SLC44A5: variants seen among roughly 807,000 people sequenced by gnomAD.
SLC44A5 encodes solute carrier family 44 member 5, also known as choline transporter-like protein 5.
In SLC44A5, 57 loss-of-function variants were observed where a neutral mutation model predicts 101.8. That is an observed-to-expected ratio of 0.56 (90% CI 0.45 to 0.70). SLC44A5 has a LOEUF of 0.70. SLC44A5 is among the 30% of genes least tolerant of loss of function. SLC44A5 has a pLI of 0.00. For missense variants in SLC44A5, 737 were observed against 853.1 expected, an observed-to-expected ratio of 0.86 and a Z score of 1.70; for synonymous variants, 281 against 290.9, an observed-to-expected ratio of 0.97 and a Z score of 0.35.
At chr1:75,679,453 A>T in the SLC44A5 span, among the ~76,000 whole-genome samples, 1 of 152,172 alleles carries the variant, frequency 6.6e-6, no homozygotes, top group African/African-American at 2.4e-5. Flanking sequence ...GTGGGGGCCA[A>T]TATTCAACAT....
chr1:75,543,590 A>T (rs376087403), intron 1 of SLC44A5, among the ~76,000 whole-genome samples: 3 of 101,166 alleles, frequency 3.0e-5, no homozygotes, highest in Non-Finnish European at 6.6e-5. Flanking sequence ...TATATATATA[A>T]ATAAATATAT....
chr1:75,221,497 TAAAG>T (rs908263355), intron 14 of SLC44A5, among the ~76,000 whole-genome samples: 26 of 152,336 alleles, frequency 1.7e-4, no homozygotes, highest in African/African-American at 6.0e-4. Flanking sequence ...ACTCTTGGTA[TAAAG>T]TGTTCCTAAA....
chr1:75,581,363 G>A (rs1313522233), intron 1 of SLC44A5, among the ~76,000 whole-genome samples: 1 of 152,162 alleles, frequency 6.6e-6, no homozygotes, highest in Admixed American at 6.5e-5. Context: ...GAAAGAAATG[G>A]TGGAGGTAAC....
At chr1:75,219,180 TCCTACCACAACTACAAA>T in intron 16 of SLC44A5, 60 bp downstream of exon 16, 1 of 1,063,056 alleles carries the variant, frequency 9.4e-7, no homozygotes, top group Non-Finnish European at 1.5e-6. Context: ...TCGGGACAAT[TCCTACCACAACTACAAA>T]ATGAATTGCA....
the SLC44A5 span, among the ~76,000 whole-genome samples, chr1:75,704,622 G>A: frequency 2.0e-5 from 3 of 152,000 alleles, no homozygotes; most frequent in Non-Finnish European, 4.4e-5. Context: ...ATTATGTTTT[G>A]CAGTGGTTAT....
At chr1:75,250,236 A>G (rs1002852571) in intron 7 of SLC44A5, among the ~76,000 whole-genome samples, 1 of 152,116 alleles carries the variant, frequency 6.6e-6, no homozygotes, top group Admixed American at 6.6e-5. Context: ...GTCACTTATA[A>G]GTGAGAACAC....
chr1:75,475,328 T>C (rs550660178), intron 2 of SLC44A5, among the ~76,000 whole-genome samples: 1 of 152,264 alleles, frequency 6.6e-6, no homozygotes, highest in East Asian at 1.9e-4. Flanking sequence ...ATGAGGAAGG[T>C]ATTTGATAGA....
intron 5 of SLC44A5, among the ~76,000 whole-genome samples, chr1:75,287,189 G>A (rs1653124117): frequency 6.6e-6 from 1 of 151,590 alleles, no homozygotes. Flanking sequence ...CCTTGTCTTT[G>A]AGCTCTGAAG....
chr1:75,680,753 A>C, the SLC44A5 span, among the ~76,000 whole-genome samples: 1 of 151,928 alleles, frequency 6.6e-6, no homozygotes, highest in Admixed American at 6.6e-5. Context: ...GCAAGACCTA[A>C]CTAAAATCAG....
chr1:75,643,564 A>C, the SLC44A5 span, among the ~76,000 whole-genome samples: 3 of 152,208 alleles, frequency 2.0e-5, no homozygotes, highest in Non-Finnish European at 1.5e-5. Flanking sequence ...CTTGAATTAT[A>C]GCTCCCATAA....
chr1:75,339,554 G>A, intron 4 of SLC44A5, 28 bp downstream of exon 4: 1 of 1,586,924 alleles, frequency 6.3e-7, no homozygotes, highest in African/African-American at 1.4e-5. Context: ...GTTTAAAAAA[G>A]CATATTCCCC....
At chr1:75,664,349 AT>A in the SLC44A5 span, among the ~76,000 whole-genome samples, 2 of 152,208 alleles carry the variant, frequency 1.3e-5, no homozygotes, top group Non-Finnish European at 2.9e-5. Flanking sequence ...AGGCATCTAA[AT>A]AGGAAAAGAA....
chr1:75,438,868 G>T (rs776593963), intron 2 of SLC44A5, among the ~76,000 whole-genome samples: 136 of 152,160 alleles, frequency 8.9e-4, no homozygotes, highest in Middle Eastern at 6.8e-3. Context: ...TCTCTTCAAA[G>T]ACTTCAGATA....
intron 1 of SLC44A5, among the ~76,000 whole-genome samples, chr1:75,553,946 G>A (rs1672080301): frequency 6.6e-6 from 1 of 151,994 alleles, no homozygotes; most frequent in South Asian, 2.1e-4. Flanking sequence ...CCTGAAGCAG[G>A]GCACTGTCAG....
At chr1:75,268,898 A>C (rs980491774) in intron 6 of SLC44A5, among the ~76,000 whole-genome samples, 8 of 152,242 alleles carry the variant, frequency 5.3e-5, no homozygotes, top group African/African-American at 1.9e-4. Flanking sequence ...GGTTGTTTCC[A>C]TTTTATTATT....
intron 2 of SLC44A5, among the ~76,000 whole-genome samples, chr1:75,530,383 T>C (rs1301211025): frequency 6.6e-6 from 1 of 152,148 alleles, no homozygotes; most frequent in Non-Finnish European, 1.5e-5. Context: ...TGGTAATTTA[T>C]TAGTAAGTGT....
rs190301332 is a variant in SLC44A5 at position 75,242,321 on chromosome 1, T to A, written c.472-260A>T. On this transcript the variant is annotated intron_variant, in intron 8 of 23. Coordinates refer to ENST00000370859, the MANE Select transcript of SLC44A5 (RefSeq NM_001130058.2). Reference sequence around the variant, plus strand: ...CAAGGAACACCTTTGGAGGTGTGTGTCTTTGTCTTAGCCATATCCTGAGTC... The same window carrying A: ...CAAGGAACACCTTTGGAGGTGTGTGACTTTGTCTTAGCCATATCCTGAGTC... 4.6e-3 allele frequency among the ~76,000 whole-genome samples: 702 copies of A among 152,134 alleles called. 2 individuals carry two copies. The highest frequency in any genetic ancestry group is 6.2e-3 in the Non-Finnish European group (424 of 67,978).
intron 4 of SLC44A5, among the ~76,000 whole-genome samples, chr1:75,332,077 T>A (rs903143975): frequency 1.3e-5 from 2 of 152,158 alleles, no homozygotes; most frequent in African/African-American, 4.8e-5. Flanking sequence ...CATCACAGTA[T>A]CTCTAGTGCC....
At chr1:75,596,930 G>A (rs992627919) in intron 1 of SLC44A5, among the ~76,000 whole-genome samples, 1 of 152,112 alleles carries the variant, frequency 6.6e-6, no homozygotes, top group Non-Finnish European at 1.5e-5. Flanking sequence ...ATTTAACATA[G>A]TATTAGAAGT....
Sources: allele counts gnomAD v4.1 joint callset (sites outside exome capture counted in the v4.1 genomes callset), GRCh38; gene constraint gnomAD v4.1.1; transcripts MANE v1.5; gene names NCBI Gene and HGNC (gene_info 2026-07-23, HGNC 2026-07-21).